The following KLHL32 variants were observed in gnomAD, a reference collection of about 807,000 sequenced individuals.
KLHL32 encodes the protein kelch-like protein 32.
Under a neutral mutation model 64.8 loss-of-function variants are expected in KLHL32, and 35 were observed. That is an observed-to-expected ratio of 0.54 (90% CI 0.41 to 0.72). The LOEUF is 0.72. KLHL32 is among the 30% of genes least tolerant of loss of function. The pLI is 0.00. For missense variants in KLHL32, 589 were observed against 768.5 expected, an observed-to-expected ratio of 0.77 and a Z score of 2.76; for synonymous variants, 259 against 281.0, an observed-to-expected ratio of 0.92 and a Z score of 0.78.
At chr6:97,087,716 T>C (rs1204529598) in intron 6 of KLHL32, among the ~76,000 whole-genome samples, 1 of 152,184 alleles carries the variant, frequency 6.6e-6, no homozygotes, top group African/African-American at 2.4e-5. Context: ...CGCAGGTGGC[T>C]CTTCTACTAT....
At chr6:97,084,961 A>T (rs1562319405) in intron 5 of KLHL32, among the ~76,000 whole-genome samples, 165 bp from the exon 6 acceptor site, 1 of 152,064 alleles carries the variant, frequency 6.6e-6, no homozygotes, top group African/African-American at 2.4e-5. Context: ...GCTGTTCTCT[A>T]TGCAGAACTT....
At chr6:97,103,238 G>A (rs1795961528) in intron 6 of KLHL32, among the ~76,000 whole-genome samples, 1 of 145,318 alleles carries the variant, frequency 6.9e-6, no homozygotes, top group Non-Finnish European at 1.5e-5. Context: ...TTTTGAGACG[G>A]CGTCTCGCTC....
At chr6:96,952,673 A>G (rs1337965677) in intron 1 of KLHL32, among the ~76,000 whole-genome samples, 3 of 152,210 alleles carry the variant, frequency 2.0e-5, no homozygotes, top group African/African-American at 7.2e-5. Context: ...GAATTCTGTA[A>G]AGAGGTGAGC....
At chr6:97,008,559 C>G (rs1779959001) in intron 3 of KLHL32, among the ~76,000 whole-genome samples, 1 of 151,956 alleles carries the variant, frequency 6.6e-6, no homozygotes, top group South Asian at 2.1e-4. Context: ...TGGCTGGAGT[C>G]CTGCTCCTGC....
intron 5 of KLHL32, among the ~76,000 whole-genome samples, chr6:97,070,221 C>A (rs1208661752): frequency 6.6e-6 from 1 of 152,088 alleles, no homozygotes; most frequent in Non-Finnish European, 1.5e-5. Flanking sequence ...GTTTGGAAAA[C>A]ATATTACAAG....
intron 6 of KLHL32, among the ~76,000 whole-genome samples, chr6:97,093,483 C>T (rs1253691278): frequency 1.3e-5 from 2 of 152,128 alleles, no homozygotes; most frequent in African/African-American, 2.4e-5. Flanking sequence ...TGAAATACAC[C>T]AACTCTTTAA....
chr6:97,076,109 A>T (rs1327281529), intron 5 of KLHL32, among the ~76,000 whole-genome samples: 1 of 152,156 alleles, frequency 6.6e-6, no homozygotes, highest in Non-Finnish European at 1.5e-5. Context: ...ACCAGAGTAT[A>T]TTATAGTAAT....
intron 4 of KLHL32, among the ~76,000 whole-genome samples, chr6:97,051,071 T>C (rs987753313): frequency 6.6e-6 from 1 of 152,174 alleles, no homozygotes; most frequent in Non-Finnish European, 1.5e-5. Context: ...TTATAATCTT[T>C]TCTGGCACCA....
At chr6:97,111,032 G>T (rs549690687) in intron 6 of KLHL32, among the ~76,000 whole-genome samples, 4 of 145,614 alleles carry the variant, frequency 2.7e-5, no homozygotes, top group East Asian at 2.0e-4. Flanking sequence ...AAAAGTCTTG[G>T]GGGGGGGGGG....
chr6:96,954,291 G>C (rs1259163770), intron 1 of KLHL32, among the ~76,000 whole-genome samples: 1 of 109,002 alleles, frequency 9.2e-6, no homozygotes, highest in Non-Finnish European at 2.0e-5. Flanking sequence ...GGAAAAAATT[G>C]TTTTAGTTTT....
At chr6:96,908,142 AC>A in the KLHL32 span, among the ~76,000 whole-genome samples, 1 of 152,250 alleles carries the variant, frequency 6.6e-6, no homozygotes. Context: ...CAGCAAAGCT[AC>A]CAATGGTAGA....
At chr6:97,004,663 AT>A (rs1382684051) in intron 3 of KLHL32, among the ~76,000 whole-genome samples, 1 of 151,990 alleles carries the variant, frequency 6.6e-6, no homozygotes, top group African/African-American at 2.4e-5. Context: ...TGCCTAGTTT[AT>A]TGAGTTTTTT....
At chr6:97,001,735 A>G (rs967621671) in intron 3 of KLHL32, among the ~76,000 whole-genome samples, 1 of 152,344 alleles carries the variant, frequency 6.6e-6, no homozygotes, top group East Asian at 1.9e-4. Flanking sequence ...AACAGATAAT[A>G]GTCATGGTCT....
At chr6:96,984,094 G>C (rs1776698514) in intron 3 of KLHL32, among the ~76,000 whole-genome samples, 1 of 152,096 alleles carries the variant, frequency 6.6e-6, no homozygotes, top group Non-Finnish European at 1.5e-5. Flanking sequence ...TGTTCTCATT[G>C]GTTTCAAAGC....
At position 96,988,399 on chromosome 6, in the gene KLHL32, G is replaced by A. The variant is rs1330767705; in HGVS notation, c.204+12222G>A. 4.5e-4 allele frequency among the ~76,000 whole-genome samples: 68 copies of A among 150,406 alleles called. No homozygotes were observed. The East Asian group carries it at 4.9e-3, about 11-fold the overall frequency. Reference sequence around the variant, plus strand: ...CAGAGAAATGCAAATCAAAACCACAGTGAGATACCATCTCACACCAGTTAG... The same window carrying A: ...CAGAGAAATGCAAATCAAAACCACAATGAGATACCATCTCACACCAGTTAG... On this transcript the variant is annotated intron_variant, in intron 3 of 10. Coordinates refer to ENST00000369261, the MANE Select transcript of KLHL32 (RefSeq NM_052904.4).
the KLHL32 span, among the ~76,000 whole-genome samples, chr6:96,910,962 C>T: frequency 1.3e-5 from 2 of 152,102 alleles, no homozygotes; most frequent in Non-Finnish European, 2.9e-5. Context: ...TCTATGTGAA[C>T]ATGTATGGTA....
chr6:96,951,436 G>A (rs1225957061), intron 1 of KLHL32, among the ~76,000 whole-genome samples: 1 of 152,118 alleles, frequency 6.6e-6, no homozygotes. Context: ...TTGTTTCTAG[G>A]TCTATTTTAA....
Position 97,139,072 on chromosome 6 carries a change from T to C in KLHL32, c.1702-49T>C, listed in dbSNP as rs1420266885. ...TCTTTTATGTATACATAGCTTTATT[T>C]TGAGCAGTCATCTTTGATACACAAG... On this transcript the variant is annotated intron_variant, in intron 10 of 10. Coordinates refer to ENST00000369261, the MANE Select transcript of KLHL32 (RefSeq NM_052904.4). 2.6e-6 allele frequency: 4 copies of C among 1,550,568 alleles called. No homozygotes were observed. The African/African-American group carries it at 4.1e-5, about 16-fold the overall frequency.
chr6:97,035,490 C>A (rs940585878), intron 3 of KLHL32, among the ~76,000 whole-genome samples: 6 of 152,044 alleles, frequency 3.9e-5, no homozygotes, highest in Non-Finnish European at 8.8e-5. Context: ...ATTTGAAGAA[C>A]CCCCTTAGCC....
Sources: gnomAD v4.1 joint callset for allele counts (sites outside exome capture counted in the v4.1 genomes callset) on GRCh38, gnomAD v4.1.1 for gene constraint, MANE v1.5 for transcripts, NCBI Gene and HGNC (gene_info 2026-07-23, HGNC 2026-07-21) for gene names.